GPR155: variants seen among roughly 807,000 people sequenced by gnomAD.
GPR155 encodes the protein G protein-coupled receptor 155, also known as lysosomal cholesterol signaling protein.
Under a neutral mutation model 93.1 loss-of-function variants are expected in GPR155, and 65 were observed. That is an observed-to-expected ratio of 0.70 (90% CI 0.57 to 0.86). The LOEUF (loss-of-function observed/expected upper bound fraction) is 0.86. Ranked by LOEUF, GPR155 falls within the 40% of genes least tolerant of loss-of-function variation. GPR155 has a pLI of 0.00. For synonymous variants in GPR155, 319 were observed against 360.1 expected, an observed-to-expected ratio of 0.89 and a Z score of 1.29; for missense variants, 838 against 1,034.8, an observed-to-expected ratio of 0.81 and a Z score of 2.61.
At chr2:174,477,019 G>A (rs1286503452) in intron 2 of GPR155, among the ~76,000 whole-genome samples, 4 of 152,164 alleles carry the variant, frequency 2.6e-5, no homozygotes, top group Non-Finnish European at 4.4e-5. Context: ...GAGAAAATCT[G>A]AAAATACTTG....
intron 15 of GPR155, among the ~76,000 whole-genome samples, chr2:174,437,711 A>C (rs1054042219): frequency 4.6e-5 from 7 of 150,730 alleles, no homozygotes; most frequent in African/African-American, 1.7e-4. Flanking sequence ...CAGCCTCCCG[A>C]GTAGATGGGA....
At chr2:174,471,544 C>T (rs1687999728) in intron 3 of GPR155, among the ~76,000 whole-genome samples, 2 of 149,686 alleles carry the variant, frequency 1.3e-5, no homozygotes, top group South Asian at 4.2e-4. Flanking sequence ...AAATGCAGAC[C>T]TGTTGAAGAG....
chr2:174,471,316 C>T (rs2105725463), intron 3 of GPR155, among the ~76,000 whole-genome samples: 1 of 149,220 alleles, frequency 6.7e-6, no homozygotes, highest in East Asian at 2.0e-4. Flanking sequence ...TGCTTGAACC[C>T]AGGAGGTGGA....
rs1276874125 is a variant in GPR155 at position 174,460,154 on chromosome 2, A to T, written c.1561-66T>A. On this transcript the variant is annotated intron_variant, in intron 9 of 15. Coordinates refer to ENST00000392552, the MANE Select transcript of GPR155 (RefSeq NM_152529.7). Reference sequence around the variant, plus strand: ...CTTCATCTTGATAATCTTAGGGCACATTTTTTTTTTTTTTTTTTTTTTTTG... The same window carrying T: ...CTTCATCTTGATAATCTTAGGGCACTTTTTTTTTTTTTTTTTTTTTTTTTG... The T allele has an allele frequency of 4.4e-3, 1,771 of 399,960 alleles. 41 individuals carry two copies. In the African/African-American group the frequency reaches 0.054, roughly 12 times the overall value. The allele number at this position is 399,960 out of a possible 1,614,324, so 24.8% of individuals were successfully genotyped here.
At chr2:174,443,478 C>A (rs537289992) in intron 13 of GPR155, among the ~76,000 whole-genome samples, 1 of 152,224 alleles carries the variant, frequency 6.6e-6, no homozygotes, top group Admixed American at 6.5e-5. Flanking sequence ...CCGTTAATAC[C>A]AGCACTTTGG....
intron 9 of GPR155, among the ~76,000 whole-genome samples, chr2:174,460,530 T>C (rs904855472): frequency 1.3e-5 from 2 of 152,116 alleles, no homozygotes; most frequent in African/African-American, 4.8e-5. Flanking sequence ...AGTAGCTCTT[T>C]TAAAAAGGTA....
At chr2:174,480,896 G>A (rs1349275222) in intron 2 of GPR155, among the ~76,000 whole-genome samples, 1 of 151,850 alleles carries the variant, frequency 6.6e-6, no homozygotes, top group African/African-American at 2.4e-5. Context: ...CAGCCTCTTG[G>A]GTAGCTGGGA....
At chr2:174,465,427 C>T (rs931687013) in intron 7 of GPR155, among the ~76,000 whole-genome samples, 3 of 152,186 alleles carry the variant, frequency 2.0e-5, no homozygotes, top group African/African-American at 2.4e-5. Flanking sequence ...CAGCAGGACT[C>T]GATAGTGAGC....
Position 174,469,057 on chromosome 2 carries a change from C to T in GPR155, c.1037G>A (p.Gly346Glu). 6.2e-7 allele frequency: 1 copy of T among 1,613,488 alleles called. No individual in the cohort carries two copies. The highest frequency in any genetic ancestry group is 8.5e-7 in the Non-Finnish European group (1 of 1,179,638). Residue 346 changes from glycine to glutamate, a missense_variant, in exon 5 of 16, where the codon GGG becomes GAG. By Grantham distance (98) the Gly-to-Glu change is moderately conservative (BLOSUM62 -2). Around this residue, in one of 3 missense-constraint regions of GPR155, gnomAD observed 663 missense variants for 790.1 expected, o/e 0.84. Transcript: ENST00000392552. ...AGACACAAATGTGCTTATCACCATCCCTGAGGTTATCTGCAAAAATGAAAT... is the reference window on the plus strand; with the variant it reads ...AGACACAAATGTGCTTATCACCATCTCTGAGGTTATCTGCAAAAATGAAAT... ...FNMEVEIITS[G>E]MVISTFVSAP...
intron 13 of GPR155, 95 bp downstream of exon 13, chr2:174,444,986 C>T: frequency 3.1e-6 from 2 of 655,300 alleles, no homozygotes; most frequent in Non-Finnish European, 5.5e-6. Context: ...TGAAAGAAAA[C>T]AACATCCTAA....
chr2:174,483,772 A>G (rs565801712), intron 1 of GPR155, among the ~76,000 whole-genome samples: 11 of 152,006 alleles, frequency 7.2e-5, no homozygotes, highest in African/African-American at 2.4e-4. Context: ...TTTAGTAGAG[A>G]CGGGGTTTCT....
chr2:174,439,558 T>C (rs1019381967), intron 15 of GPR155, among the ~76,000 whole-genome samples: 3 of 152,230 alleles, frequency 2.0e-5, no homozygotes, highest in Admixed American at 6.5e-5. Context: ...CTAAATCCAA[T>C]GTATCTCAAA....
intron 12 of GPR155, among the ~76,000 whole-genome samples, chr2:174,445,648 C>T (rs1687098324): frequency 6.6e-6 from 1 of 152,124 alleles, no homozygotes; most frequent in Non-Finnish European, 1.5e-5. Context: ...GTTATCTGGT[C>T]CATCTCCTAC....
intron 6 of GPR155, 68 bp from the exon 7 acceptor site, chr2:174,465,970 G>GA (rs1431019885): frequency 1.5e-6 from 1 of 677,840 alleles, no homozygotes; most frequent in Non-Finnish European, 2.6e-6. Context: ...TACTGCAACA[G>GA]AAAATTCCAA....
chr2:174,438,615 C>A (rs1378267220), intron 15 of GPR155, among the ~76,000 whole-genome samples: 1 of 152,132 alleles, frequency 6.6e-6, no homozygotes, highest in Non-Finnish European at 1.5e-5. Flanking sequence ...TCAAGCGATT[C>A]TTGTGCTGCA....
intron 11 of GPR155, among the ~76,000 whole-genome samples, chr2:174,448,704 A>T (rs1179258382): frequency 1.3e-5 from 2 of 150,936 alleles, no homozygotes; most frequent in African/African-American, 4.9e-5. Context: ...CGCCCGGCTA[A>T]TTTTTTGTAT....
At chr2:174,441,218 A>G (rs1225756049) in intron 14 of GPR155, among the ~76,000 whole-genome samples, 1 of 151,970 alleles carries the variant, frequency 6.6e-6, no homozygotes, top group Non-Finnish European at 1.5e-5. Flanking sequence ...TAAGCATAAT[A>G]TAGCAAATTT....
intron 13 of GPR155, among the ~76,000 whole-genome samples, chr2:174,444,276 G>A (rs546838225): frequency 1.3e-5 from 2 of 151,852 alleles, no homozygotes; most frequent in African/African-American, 4.8e-5. Flanking sequence ...TTAGCCGGGC[G>A]TAGTGGTGCA....
chr2:174,484,005 CA>C (rs1301445399), intron 1 of GPR155, among the ~76,000 whole-genome samples: 1 of 152,214 alleles, frequency 6.6e-6, no homozygotes, highest in Non-Finnish European at 1.5e-5. Flanking sequence ...AGTCCTCAAA[CA>C]TCTATATCAC....
Sources: allele counts gnomAD v4.1 joint callset (sites outside exome capture counted in the v4.1 genomes callset), GRCh38; gene constraint gnomAD v4.1.1; regional missense constraint gnomAD v4.1.1; transcripts MANE v1.5; gene names NCBI Gene and HGNC (gene_info 2026-07-23, HGNC 2026-07-21).